The following SEC31B variants were observed in gnomAD, a reference collection of about 807,000 sequenced individuals.
SEC31B encodes protein transport protein Sec31B.
SEC31B carries 113 observed loss-of-function variants against 135.0 expected under a neutral mutation model. That is an observed-to-expected ratio of 0.84 (90% CI 0.72 to 0.98). The LOEUF (loss-of-function observed/expected upper bound fraction) is 0.98. Among genes scored for constraint, SEC31B ranks in the 50% least tolerant of loss-of-function variants. The probability of loss-of-function intolerance (pLI) is 0.00; values close to 1 mark genes in which losing one functional copy is unlikely to be tolerated. For synonymous variants in SEC31B, 508 were observed against 549.4 expected, an observed-to-expected ratio of 0.92 and a Z score of 1.05; for missense variants, 1,296 against 1,421.1, an observed-to-expected ratio of 0.91 and a Z score of 1.42.
At chr10:100,507,871 C>T in intron 6 of SEC31B, 37 bp downstream of exon 6, 1 of 1,613,704 alleles carries the variant, frequency 6.2e-7, no homozygotes, top group Non-Finnish European at 8.5e-7. Context: ...AGAGAGAAGC[C>T]AGAGCCCAAG....
At chr10:100,504,867 A>G (rs1450361282) in intron 10 of SEC31B, among the ~76,000 whole-genome samples, 3 of 152,094 alleles carry the variant, frequency 2.0e-5, no homozygotes, top group Admixed American at 6.5e-5. Flanking sequence ...TACAAAACAG[A>G]AAGAAGTCAT....
chr10:100,498,250 C>T, intron 14 of SEC31B, 43 bp from the exon 15 acceptor site: 7 of 1,602,858 alleles, frequency 4.4e-6, no homozygotes, highest in Non-Finnish European at 6.0e-6. Context: ...GCTCTCAAAC[C>T]CCAACTTCCT....
At chr10:100,498,236 A>C (rs1475038929) in intron 14 of SEC31B, 29 bp from the exon 15 acceptor site, 25 of 1,612,308 alleles carry the variant, frequency 1.6e-5, no homozygotes, top group Non-Finnish European at 2.0e-5. Flanking sequence ...CCTGTGCATT[A>C]GTTGCTCTCA....
intron 5 of SEC31B, 195 bp downstream of exon 5, chr10:100,508,812 A>C (rs1589739214): frequency 1.7e-6 from 1 of 595,830 alleles, no homozygotes; most frequent in Non-Finnish European, 3.0e-6. Context: ...CAAACCAACT[A>C]CCCCATATAC....
At position 100,497,199 on chromosome 10, in the gene SEC31B, C is replaced by G. The variant is rs1589733389; in HGVS notation, c.2072G>C (p.Ser691Thr). The G allele has an allele frequency of 1.2e-6, 2 of 1,614,238 alleles. No individual in the cohort carries two copies. Among genetic ancestry groups the G allele is most frequent in the African/African-American group, 1.3e-5 (1 of 75,056 alleles). Reference sequence around the variant, plus strand: ...CCAGCACTCCACCAGCCGCTCCACACTCCCTGAGCACACATAACAGAGTCT... The same window carrying G: ...CCAGCACTCCACCAGCCGCTCCACAGTCCCTGAGCACACATAACAGAGTCT... ...EARLCYVCSG[S>T]VERLVECWAK... The change falls in exon 17 of 26, where the codon AGT becomes ACT. Residue 691 changes from serine (S) to threonine (T), a missense_variant. By Grantham distance (58) the Ser-to-Thr change is moderately conservative. Coordinates refer to ENST00000370345, the MANE Select transcript of SEC31B (RefSeq NM_015490.4).
At chr10:100,503,058 C>T (rs988699280) in intron 10 of SEC31B, among the ~76,000 whole-genome samples, 1 of 152,144 alleles carries the variant, frequency 6.6e-6, no homozygotes, top group African/African-American at 2.4e-5. Context: ...AGTGCACAAA[C>T]CTCTGCAAAA....
intron 13 of SEC31B, 99 bp from the exon 14 acceptor site, chr10:100,498,903 T>G: frequency 1.1e-6 from 1 of 915,518 alleles, no homozygotes; most frequent in Non-Finnish European, 1.7e-6. Flanking sequence ...TGGCCGTTAA[T>G]GGGTAAAACT....
rs1216298729 is a variant in SEC31B at position 100,506,331 on chromosome 10, C to T, written c.872G>A (p.Gly291Glu). 3 of 1,614,156 alleles carry T rather than the reference C, an allele frequency of 1.9e-6. No individual in the cohort carries two copies. The highest frequency in any genetic ancestry group is 1.1e-5 in the South Asian group (1 of 91,078). The change falls in exon 8 of 26, where the codon GGG becomes GAG. Residue 291 changes from glycine to glutamate, a missense_variant. Gly to Glu is a moderately conservative substitution (Grantham distance 98). Transcript: ENST00000370345. ...KDSQILCRNL[G>E]SSEVVYKLPT... ...GAAGGGCCAGCCTACCTCACTGCTC[C>T]CCAGGTTCCGGCACAAGATCTGGCT...
intron 19 of SEC31B, among the ~76,000 whole-genome samples, chr10:100,491,135 C>T (rs894020633): frequency 5.3e-5 from 8 of 152,136 alleles, no homozygotes; most frequent in African/African-American, 1.9e-4. Context: ...CTACAGAAAA[C>T]TTTACATTCA....
At chr10:100,510,434 A>C (rs575920788) in intron 3 of SEC31B, among the ~76,000 whole-genome samples, 2 of 152,340 alleles carry the variant, frequency 1.3e-5, no homozygotes, top group East Asian at 3.9e-4. Context: ...CTTGCCCCAG[A>C]GAAAAAGATC....
At chr10:100,489,587 G>C (rs1851260053) in intron 22 of SEC31B, 116 bp downstream of exon 22, 2 of 1,478,466 alleles carry the variant, frequency 1.4e-6, no homozygotes, top group African/African-American at 2.8e-5. Flanking sequence ...AGAAGAGTAA[G>C]TGGGAGGAGG....
In SEC31B at chr10:100,490,749, G is replaced by T; in HGVS notation, c.2607C>A (p.Pro869=). Residue 869 remains proline (P), a synonymous_variant, in exon 20 of 26, where the codon CCC becomes CCA. Coordinates refer to ENST00000370345, the MANE Select transcript of SEC31B (RefSeq NM_015490.4). ...QNISDYRAPG[P]QAIQPLPLSP... is the part of the protein sequence containing the mutation. ...TCAAAGGCAAAGGCTGGATGGCCTG[G>T]GGCCCAGGTGCCCTGTAGTCACTTA... The T allele has an allele frequency of 6.2e-7, 1 of 1,605,212 alleles. No individual in the cohort carries two copies. The highest frequency in any genetic ancestry group is 1.1e-5 in the South Asian group (1 of 89,662).
chr10:100,488,092 T>C lies in SEC31B; in HGVS notation c.3295A>G (p.Lys1099Glu). ...TGGGCTGCCTCTTCCAGCTTCCTTT[T>C]TGTCTTCTGCAGGGAAAGAAATGGA... ...CSLSATDLKT[K>E]RKLEEAAQRL... Residue 1099 changes from lysine (K) to glutamate (E), a missense_variant, in exon 25 of 26, where the codon AAA becomes GAA. Coordinates refer to ENST00000370345, the MANE Select transcript of SEC31B (RefSeq NM_015490.4). 1 of 1,613,950 alleles carries C rather than the reference T, an allele frequency of 6.2e-7. No homozygotes were observed. The highest frequency in any genetic ancestry group is 1.1e-5 in the South Asian group (1 of 91,078).
At chr10:100,495,320 G>A (rs1180305324) in intron 19 of SEC31B, 65 bp downstream of exon 19, 12 of 1,428,998 alleles carry the variant, frequency 8.4e-6, no homozygotes, top group Middle Eastern at 2.0e-4. Flanking sequence ...TATATTCCAA[G>A]TGCCCAGAAC....
chr10:100,504,983 C>T lies in SEC31B; in HGVS notation c.1179+378G>A, dbSNP rs569578968. ...TCTATAAAGCAATGGGAGGCTCAAA[C>T]GTTTTGAACAGAGAAATGACAGAAT... is the stretch of plus-strand genomic sequence containing the variant. On this transcript the variant is annotated intron_variant, in intron 10 of 25. Transcript: ENST00000370345. 1.1e-4 allele frequency among the ~76,000 whole-genome samples: 16 copies of T among 151,862 alleles called. No individual in the cohort carries two copies. In the South Asian group the frequency reaches 1.7e-3, roughly 16 times the overall value.
In SEC31B at chr10:100,502,424, G is replaced by T. The variant is rs148906477; in HGVS notation, c.1240C>A (p.Pro414Thr). The T allele has an allele frequency of 6.2e-7, 1 of 1,614,036 alleles. No homozygotes were observed. The highest frequency in any genetic ancestry group is 8.5e-7 in the Non-Finnish European group (1 of 1,180,036). Residue 414 changes from proline to threonine, a missense_variant, in exon 11 of 26, where the codon CCT becomes ACT. Physicochemically the swap from Pro to Thr is conservative, Grantham distance 38. Transcript: ENST00000370345. ...PSTPAHLVPQ[P>T]CPRLVFISQV... Reference sequence around the variant, plus strand: ...CTGATGAAGACTAGGCGGGGGCAAGGCTGTGGCACCAGATGGGCAGGGGTG... The same window carrying T: ...CTGATGAAGACTAGGCGGGGGCAAGTCTGTGGCACCAGATGGGCAGGGGTG...
At chr10:100,509,196 C>T in intron 4 of SEC31B, 94 bp from the exon 5 acceptor site, 2 of 1,506,604 alleles carry the variant, frequency 1.3e-6, no homozygotes, top group South Asian at 2.3e-5. Context: ...CTATCAAAAG[C>T]CTCCCCTGAA....
chr10:100,506,978 A>T (rs7080356), intron 7 of SEC31B, among the ~76,000 whole-genome samples: 1 of 151,932 alleles, frequency 6.6e-6, no homozygotes, highest in African/African-American at 2.4e-5. Flanking sequence ...AAATAAAGGT[A>T]CCCAAGGAGA....
At chr10:100,493,606 A>T (rs1192372575) in intron 19 of SEC31B, among the ~76,000 whole-genome samples, 6 of 152,218 alleles carry the variant, frequency 3.9e-5, no homozygotes, top group Non-Finnish European at 8.8e-5. Flanking sequence ...AGGATGAGGG[A>T]GGCAGAATAA....
Sources: gnomAD v4.1 joint callset for allele counts (sites outside exome capture counted in the v4.1 genomes callset) on GRCh38, gnomAD v4.1.1 for gene constraint, MANE v1.5 for transcripts, NCBI Gene and HGNC (gene_info 2026-07-23, HGNC 2026-07-21) for gene names.